The following CLIC5 variants were observed in gnomAD, a reference collection of about 807,000 sequenced individuals.
CLIC5 encodes the protein CLIC family member 5.
Under a neutral mutation model 24.7 loss-of-function variants are expected in CLIC5, and 20 were observed. The ratio of observed to expected loss-of-function variants is 0.81; its 90% CI spans 0.57 to 1.18. The LOEUF (loss-of-function observed/expected upper bound fraction) is 1.18. CLIC5 is among the 50% of genes most tolerant of loss of function. The probability of loss-of-function intolerance (pLI) is 0.00; values close to 1 mark genes in which losing one functional copy is unlikely to be tolerated. For synonymous variants in CLIC5, 159 were observed against 135.6 expected (o/e 1.17, Z -1.20); for missense variants, 341 against 326.1 (o/e 1.05, Z -0.35).
intron 1 of CLIC5, among the ~76,000 whole-genome samples, chr6:46,033,348 T>C (rs1767566428): frequency 6.6e-6 from 1 of 152,112 alleles, no homozygotes; most frequent in Non-Finnish European, 1.5e-5. Context: ...TAAAGTATTA[T>C]AAGAAAACAT....
At chr6:45,912,263 A>G in intron 5 of CLIC5, 1 of 992,508 alleles carries the variant, frequency 1.0e-6, no homozygotes, top group African/African-American at 1.7e-5. Context: ...ATCCAAAGAG[A>G]TAGGGGCCAA....
At chr6:46,019,568 C>A (rs1470835120), upstream of CLIC5, among the ~76,000 whole-genome samples, 1 of 150,374 alleles carries the variant, frequency 6.7e-6, no homozygotes, top group African/African-American at 2.4e-5. Context: ...CGCCTGTAGT[C>A]CCAGCTACTG....
intron 4 of CLIC5, among the ~76,000 whole-genome samples, chr6:45,937,964 G>A (rs977396533): frequency 6.6e-6 from 1 of 152,214 alleles, no homozygotes; most frequent in African/African-American, 2.4e-5. Context: ...GGGCAGAAAA[G>A]GATCATGACC....
rs557868993 is a variant in CLIC5, at chr6:45,921,717, T to A, written c.407-7308A>T. Among the ~76,000 whole-genome samples the A allele has an allele frequency of 1.1e-4, 17 of 152,300 alleles. No homozygotes were observed. The East Asian group carries it at 2.1e-3, about 19-fold the overall frequency. On this transcript the variant is annotated intron_variant, in intron 4 of 5. Transcript: ENST00000339561. ...GGAGAATCCTGGAGAGCTTGCAGGA[T>A]GAAGCTTGCTCTTGACTTTCCTAAC...
intron 1 of CLIC5, among the ~76,000 whole-genome samples, chr6:46,008,739 A>T (rs1318033425): frequency 6.6e-6 from 1 of 152,244 alleles, no homozygotes; most frequent in Non-Finnish European, 1.5e-5. Flanking sequence ...GAAGAAAAGA[A>T]AAATTACAAA....
the CLIC5 span, among the ~76,000 whole-genome samples, chr6:46,098,850 T>A: frequency 2.0e-5 from 3 of 152,092 alleles, no homozygotes; most frequent in Non-Finnish European, 4.4e-5. Flanking sequence ...GTTTTAAGTG[T>A]GAACTGGATT....
chr6:46,011,014 A>G (rs575090141), intron 1 of CLIC5, among the ~76,000 whole-genome samples: 1 of 152,210 alleles, frequency 6.6e-6, no homozygotes. Context: ...TCAGATGACC[A>G]CACCACGAGT....
chr6:45,886,623 A>G (rs1345866779), intron 6 of CLIC5, among the ~76,000 whole-genome samples: 1 of 152,330 alleles, frequency 6.6e-6, no homozygotes, highest in East Asian at 1.9e-4. Flanking sequence ...ATCACCTGAA[A>G]GGAAATCTGA....
chr6:45,975,749 A>G (rs544226313), intron 1 of CLIC5, among the ~76,000 whole-genome samples: 2 of 152,310 alleles, frequency 1.3e-5, no homozygotes, highest in Admixed American at 1.3e-4. Context: ...AACTTGAGCC[A>G]AGTTAGCTGG....
At chr6:46,072,114 C>A (rs1762620673) in intron 1 of CLIC5, among the ~76,000 whole-genome samples, 1 of 151,298 alleles carries the variant, frequency 6.6e-6, no homozygotes, top group Admixed American at 6.6e-5. Context: ...GGGAGAGGAT[C>A]AGGGAAAATA....
At chr6:46,012,381 G>T (rs1445733854) in intron 1 of CLIC5, among the ~76,000 whole-genome samples, 1 of 152,206 alleles carries the variant, frequency 6.6e-6, no homozygotes, top group Non-Finnish European at 1.5e-5. Flanking sequence ...AATCAGAGTT[G>T]ACATGATCTA....
intron 1 of CLIC5, among the ~76,000 whole-genome samples, chr6:45,962,399 G>A (rs1258188686): frequency 6.7e-6 from 1 of 148,474 alleles, no homozygotes; most frequent in African/African-American, 2.5e-5. Flanking sequence ...GAGGGGGTCA[G>A]TCTTTTTTTC....
the CLIC5 span, among the ~76,000 whole-genome samples, chr6:46,103,318 C>T: frequency 2.0e-4 from 30 of 152,120 alleles, no homozygotes; most frequent in African/African-American, 7.0e-4. Flanking sequence ...TGACATACTT[C>T]GAGGTGGGGT....
intron 3 of CLIC5, among the ~76,000 whole-genome samples, chr6:45,948,257 A>T (rs558286658): frequency 6.6e-6 from 1 of 152,256 alleles, no homozygotes; most frequent in South Asian, 2.1e-4. Flanking sequence ...AACTTTACTT[A>T]CTCAGTATGT....
chr6:46,024,242 A>T (rs1767266105), intron 1 of CLIC5, among the ~76,000 whole-genome samples: 1 of 152,134 alleles, frequency 6.6e-6, no homozygotes, highest in African/African-American at 2.4e-5. Flanking sequence ...TTCCTTGGGG[A>T]TCTACCTTCC....
chr6:45,894,608 A>G (rs1762378452), downstream of CLIC5, among the ~76,000 whole-genome samples: 1 of 152,244 alleles, frequency 6.6e-6, no homozygotes, highest in Admixed American at 6.5e-5. Flanking sequence ...AGAAAAACTT[A>G]TTGACCAAGA....
At chr6:45,907,954 C>G in intron 5 of CLIC5, among the ~76,000 whole-genome samples, 1 of 152,094 alleles carries the variant, frequency 6.6e-6, no homozygotes, top group Middle Eastern at 3.4e-3. Flanking sequence ...TGAATAGGAG[C>G]GGTGAGTGGG....
intron 1 of CLIC5, among the ~76,000 whole-genome samples, chr6:46,072,583 A>G (rs1462495392): frequency 6.6e-6 from 1 of 152,152 alleles, no homozygotes; most frequent in East Asian, 1.9e-4. Context: ...AGAAAAAAAT[A>G]TGGGCCCTAA....
chr6:45,895,466 T>G (rs1470938217), downstream of CLIC5, among the ~76,000 whole-genome samples: 1 of 152,218 alleles, frequency 6.6e-6, no homozygotes, highest in African/African-American at 2.4e-5. Flanking sequence ...GGAAGCATAT[T>G]TAACTAACAC....
Sources: allele counts gnomAD v4.1 joint callset (sites outside exome capture counted in the v4.1 genomes callset), GRCh38; gene constraint gnomAD v4.1.1; transcripts MANE v1.5; gene names NCBI Gene and HGNC (gene_info 2026-07-23, HGNC 2026-07-21).